The following FAT3 variants were observed in gnomAD, a reference collection of about 807,000 sequenced individuals.
FAT3 encodes the protein FAT atypical cadherin 3, also known as protocadherin Fat 3.
In FAT3, 95 loss-of-function variants were observed where a neutral mutation model predicts 310.2. That is an observed-to-expected ratio of 0.31 (90% confidence interval 0.26 to 0.36). FAT3 has a LOEUF of 0.36. Among genes scored for constraint, FAT3 ranks in the 10% least tolerant of loss-of-function variants. The probability of loss-of-function intolerance (pLI) is 1.00; values close to 1 mark genes in which losing one functional copy is unlikely to be tolerated. For missense variants in FAT3, 5,408 were observed against 5,715.6 expected, an observed-to-expected ratio of 0.95 and a Z score of 1.74; for synonymous variants, 2,314 against 2,192.9, an observed-to-expected ratio of 1.06 and a Z score of -1.54.
intron 22 of FAT3, among the ~76,000 whole-genome samples, chr11:92,879,980 A>G (rs1477138579): frequency 1.3e-5 from 2 of 152,136 alleles, no homozygotes; most frequent in Middle Eastern, 3.4e-3. Context: ...GAGGGAAGAA[A>G]GAACACCCTT....
chr11:92,553,785 C>T (rs1954910375), intron 3 of FAT3, among the ~76,000 whole-genome samples: 1 of 149,760 alleles, frequency 6.7e-6, no homozygotes, highest in Admixed American at 6.7e-5. Context: ...CTCCTTCCTT[C>T]CTTCCTTCTT....
chr11:92,558,769 G>A (rs1955111211), intron 3 of FAT3, among the ~76,000 whole-genome samples: 1 of 152,084 alleles, frequency 6.6e-6, no homozygotes, highest in Admixed American at 6.6e-5. Context: ...ACTCCTCGGC[G>A]ACAAAGAGCT....
At chr11:92,815,761 C>T (rs1947808049) in intron 13 of FAT3, among the ~76,000 whole-genome samples, 1 of 152,092 alleles carries the variant, frequency 6.6e-6, no homozygotes, top group Admixed American at 6.5e-5. Context: ...GTCAACAGTA[C>T]CACCTGGCAT....
chr11:92,610,737 T>G (rs1055314853), intron 3 of FAT3, among the ~76,000 whole-genome samples: 17 of 152,278 alleles, frequency 1.1e-4, no homozygotes, highest in Admixed American at 8.5e-4. Context: ...AAATATTTCT[T>G]TAGTGTTTTC....
intron 3 of FAT3, among the ~76,000 whole-genome samples, chr11:92,631,503 A>T (rs1475419831): frequency 1.3e-5 from 2 of 151,930 alleles, no homozygotes; most frequent in African/African-American, 4.8e-5. Context: ...TTCTCATGAC[A>T]TCTGATGGTT....
intron 6 of FAT3, among the ~76,000 whole-genome samples, chr11:92,767,366 T>G (rs948510685): frequency 6.6e-6 from 1 of 151,918 alleles, no homozygotes; most frequent in Non-Finnish European, 1.5e-5. Context: ...AGCCACTGAT[T>G]TTTCTCCCTC....
chr11:92,728,320 A>C (rs530529901), intron 4 of FAT3, among the ~76,000 whole-genome samples: 1 of 152,290 alleles, frequency 6.6e-6, no homozygotes, highest in East Asian at 1.9e-4. Context: ...AAAAAGATAA[A>C]TGAAAGACGG....
At chr11:92,282,657 T>TA (rs10586850) in intron 1 of FAT3, among the ~76,000 whole-genome samples, 1,488 of 141,756 alleles carry the variant, frequency 0.01, 10 homozygotes, top group Middle Eastern at 0.02. Flanking sequence ...TCTCAAAAAA[T>TA]AAAAAAAAAA....
At chr11:92,432,987 G>T (rs185064980) in intron 2 of FAT3, among the ~76,000 whole-genome samples, 2 of 152,170 alleles carry the variant, frequency 1.3e-5, no homozygotes, top group African/African-American at 4.8e-5. Context: ...GCGGCACTAC[G>T]TTGGGCTCTG....
intron 2 of FAT3, among the ~76,000 whole-genome samples, chr11:92,462,831 T>C (rs768554183): frequency 9.9e-5 from 15 of 152,236 alleles, no homozygotes; most frequent in Admixed American, 5.2e-4. Flanking sequence ...AAAAAAGTGT[T>C]TGTCTTATTC....
At chr11:92,835,355 C>A (rs1428081647) in intron 15 of FAT3, among the ~76,000 whole-genome samples, 1 of 152,006 alleles carries the variant, frequency 6.6e-6, no homozygotes. Context: ...TAAAACAGAC[C>A]ATGGGATGAA....
chr11:92,350,026 A>G (rs1948522365), intron 1 of FAT3, among the ~76,000 whole-genome samples: 1 of 151,600 alleles, frequency 6.6e-6, no homozygotes, highest in Admixed American at 6.6e-5. Flanking sequence ...AGAGAGCCTG[A>G]GCTCTAATCT....
Position 92,703,765 on chromosome 11 carries a change from G to A in FAT3, c.3669+6320G>A, listed in dbSNP as rs916976972. Among the ~76,000 whole-genome samples, 5 of 152,338 alleles carry A rather than the reference G, an allele frequency of 3.3e-5. No homozygotes were observed. In the East Asian group the frequency reaches 9.6e-4, roughly 29 times the overall value. ...GGCCTGGCATTGGGCCAAGTACTAA[G>A]GTTTTCTTCTTAGAATTAGTGTGGT... On this transcript the variant is annotated intron_variant, in intron 4 of 27. Coordinates refer to ENST00000525166, the MANE Select transcript of FAT3 (RefSeq NM_001367949.2).
intron 3 of FAT3, among the ~76,000 whole-genome samples, chr11:92,544,565 G>T (rs1024531791): frequency 6.6e-6 from 1 of 152,114 alleles, no homozygotes; most frequent in East Asian, 1.9e-4. Flanking sequence ...AATCAAATGT[G>T]CCCTGGGACA....
chr11:92,512,635 T>A (rs1242009932), intron 2 of FAT3, among the ~76,000 whole-genome samples: 4 of 147,408 alleles, frequency 2.7e-5, no homozygotes, highest in African/African-American at 9.9e-5. Flanking sequence ...ATATTTAAAA[T>A]ATATATATAT....
At chr11:92,477,748 G>A (rs1814018022) in intron 2 of FAT3, among the ~76,000 whole-genome samples, 2 of 152,186 alleles carry the variant, frequency 1.3e-5, no homozygotes, top group African/African-American at 4.8e-5. Flanking sequence ...AATATCTAAG[G>A]TTGAATGTAT....
intron 1 of FAT3, among the ~76,000 whole-genome samples, chr11:92,343,160 T>C (rs1948312080): frequency 6.6e-6 from 1 of 152,198 alleles, no homozygotes; most frequent in Non-Finnish European, 1.5e-5. Context: ...TTACTCTTGC[T>C]GCATGCTGAC....
chr11:92,695,238 A>G (rs1565518941), intron 3 of FAT3, among the ~76,000 whole-genome samples: 1 of 152,228 alleles, frequency 6.6e-6, no homozygotes, highest in Non-Finnish European at 1.5e-5. Context: ...ATTGGATAGT[A>G]CTTTACTCTT....
chr11:92,529,876 C>A (rs1954008159), intron 3 of FAT3, among the ~76,000 whole-genome samples: 1 of 152,152 alleles, frequency 6.6e-6, no homozygotes, highest in Non-Finnish European at 1.5e-5. Context: ...CTTTCTTTTG[C>A]TTTCTGTGAG....
Sources: gnomAD v4.1 joint callset for allele counts (sites outside exome capture counted in the v4.1 genomes callset) on GRCh38, gnomAD v4.1.1 for gene constraint, MANE v1.5 for transcripts, NCBI Gene and HGNC (gene_info 2026-07-23, HGNC 2026-07-21) for gene names.